The following SERPINB10 variants were observed in gnomAD, a reference collection of about 807,000 sequenced individuals.
SERPINB10 encodes the protein serpin B10.
A neutral mutation model predicts 39.1 loss-of-function variants in SERPINB10; 35 were observed. That is an observed-to-expected ratio of 0.90 (90% CI 0.68 to 1.19). The LOEUF (loss-of-function observed/expected upper bound fraction) is 1.19. Ranked by LOEUF, SERPINB10 falls within the 50% of genes most tolerant of loss-of-function variation. The pLI is 0.00. For synonymous variants in SERPINB10, 190 were observed against 158.1 expected, an observed-to-expected ratio of 1.20 and a Z score of -1.52; for missense variants, 546 against 460.5, an observed-to-expected ratio of 1.19 and a Z score of -1.70.
chr18:63,918,309 A>G (rs2050119883), intron 4 of SERPINB10, among the ~76,000 whole-genome samples: 1 of 152,010 alleles, frequency 6.6e-6, no homozygotes, highest in African/African-American at 2.4e-5. Flanking sequence ...GGAATCAGAT[A>G]TTTCTGTCTA....
At position 63,935,502 on chromosome 18, in the gene SERPINB10, A is replaced by T; in HGVS notation, c.*260A>T. On this transcript the variant is annotated 3_prime_UTR_variant, in exon 8 of 8. Transcript: ENST00000238508. ...ATTTACATTTCAGAAGTACTATGCT[A>T]TTCAACTGAATGCCTTACAATTCTT... is the stretch of plus-strand genomic sequence containing the variant. 2.8e-6 allele frequency: 1 copy of T among 362,706 alleles called. No homozygotes were observed. Among genetic ancestry groups the T allele is most frequent in the South Asian group, 8.1e-5 (1 of 12,422 alleles). 22.5% of individuals were successfully genotyped at this position (362,706 alleles called of 1,614,324 possible). A position where few individuals can be genotyped will look rare whatever the true frequency, so the allele number is the denominator to read the frequency against.
intron 1 of SERPINB10, among the ~76,000 whole-genome samples, chr18:63,911,139 T>C (rs926373529): frequency 6.6e-6 from 1 of 152,020 alleles, no homozygotes; most frequent in Admixed American, 6.6e-5. Flanking sequence ...AATGGGGTTG[T>C]TTTTTGCTTG....
At chr18:63,932,434 C>G (rs998286291) in intron 6 of SERPINB10, among the ~76,000 whole-genome samples, 58 of 152,066 alleles carry the variant, frequency 3.8e-4, no homozygotes, top group African/African-American at 1.4e-3. Context: ...CATATTTTAG[C>G]CATTCTAGTA....
intron 3 of SERPINB10, 31 bp downstream of exon 3, chr18:63,917,552 A>G (rs2050113249): frequency 1.6e-6 from 2 of 1,268,592 alleles, no homozygotes; most frequent in African/African-American, 1.6e-5. Flanking sequence ...TATATTTCAT[A>G]ATTAAGGAAA....
chr18:63,911,579 A>T (rs1379214572), intron 1 of SERPINB10, among the ~76,000 whole-genome samples: 4 of 151,912 alleles, frequency 2.6e-5, no homozygotes, highest in Non-Finnish European at 5.9e-5. Flanking sequence ...TAAAGGTTAG[A>T]TGTCTGTAGG....
At chr18:63,921,320 A>G (rs903746208) in intron 5 of SERPINB10, among the ~76,000 whole-genome samples, 6 of 151,908 alleles carry the variant, frequency 3.9e-5, no homozygotes, top group Admixed American at 3.9e-4. Flanking sequence ...CAAGGGTCCC[A>G]TGCATTTCAA....
chr18:63,916,418 A>G (rs2144722726), intron 2 of SERPINB10, among the ~76,000 whole-genome samples: 1 of 151,828 alleles, frequency 6.6e-6, no homozygotes, highest in East Asian at 1.9e-4. Flanking sequence ...AAATGACAGA[A>G]TTTTCACCCA....
intron 5 of SERPINB10, among the ~76,000 whole-genome samples, chr18:63,928,852 T>G (rs2050198909): frequency 6.7e-6 from 1 of 149,860 alleles, no homozygotes; most frequent in East Asian, 2.0e-4. Context: ...TGTCTGTTGT[T>G]GGTGTATAAG....
intron 2 of SERPINB10, among the ~76,000 whole-genome samples, chr18:63,916,979 T>G (rs1184725571): frequency 6.6e-6 from 1 of 151,922 alleles, no homozygotes; most frequent in Non-Finnish European, 1.5e-5. Context: ...AATGCTGGGG[T>G]AAACACAAAC....
intron 5 of SERPINB10, among the ~76,000 whole-genome samples, chr18:63,921,257 T>C (rs1369946093): frequency 6.6e-6 from 1 of 151,966 alleles, no homozygotes; most frequent in African/African-American, 2.4e-5. Context: ...TGTTTTGCTG[T>C]CTTCTCCTCT....
At chr18:63,916,127 G>T (rs761285217) in intron 2 of SERPINB10, among the ~76,000 whole-genome samples, 5 of 151,518 alleles carry the variant, frequency 3.3e-5, no homozygotes, top group African/African-American at 4.8e-5. Flanking sequence ...TTAGTCCCTG[G>T]TTATCTGAAT....
Position 63,930,091 on chromosome 18 carries a change from C to A in SERPINB10, c.537C>A (p.Thr179=), listed in dbSNP as rs754172901. The stretch of plus-strand genomic sequence containing the variant: ...CTGATGACTCTGTGGATTCCACAAC[C>A]AGGATGATTCTGGTGAACGCCCTAT... ...LLPDDSVDST[T]RMILVNALYF... The change falls in exon 6 of 8, where the codon ACC becomes ACA. Residue 179 remains threonine (T), a synonymous_variant. Transcript: ENST00000238508. 6.2e-7 allele frequency: 1 copy of A among 1,613,492 alleles called. No individual in the cohort carries two copies. Among genetic ancestry groups the A allele is most frequent in the Admixed American group, 1.7e-5 (1 of 59,892 alleles).
At chr18:63,929,955 T>C (rs1265504988) in intron 5 of SERPINB10, 90 bp from the exon 6 acceptor site, 9 of 1,363,320 alleles carry the variant, frequency 6.6e-6, no homozygotes, top group Non-Finnish European at 9.0e-6. Context: ...AAAACTTTTA[T>C]AGTTCCAGAA....
chr18:63,920,793 C>T (rs1363737936), intron 5 of SERPINB10, among the ~76,000 whole-genome samples: 1 of 151,918 alleles, frequency 6.6e-6, no homozygotes, highest in Non-Finnish European at 1.5e-5. Flanking sequence ...CAGTCAATTC[C>T]AGTCACCATA....
chr18:63,927,642 T>A (rs903754785), intron 5 of SERPINB10, among the ~76,000 whole-genome samples: 1 of 152,092 alleles, frequency 6.6e-6, no homozygotes, highest in Non-Finnish European at 1.5e-5. Context: ...AGGCCCCACC[T>A]GTTAATTCTA....
At chr18:63,912,713 C>T (rs150020801) in intron 1 of SERPINB10, among the ~76,000 whole-genome samples, 4 of 152,146 alleles carry the variant, frequency 2.6e-5, no homozygotes, top group East Asian at 1.9e-4. Context: ...CATCTATGCT[C>T]ATCAGAGATA....
chr18:63,927,635 C>T (rs1044748866), intron 5 of SERPINB10, among the ~76,000 whole-genome samples: 1 of 152,060 alleles, frequency 6.6e-6, no homozygotes, highest in African/African-American at 2.4e-5. Context: ...TTCCCAAAGG[C>T]CCCACCTGTT....
chr18:63,931,005 G>C (rs2050218161), intron 6 of SERPINB10, among the ~76,000 whole-genome samples: 1 of 152,188 alleles, frequency 6.6e-6, no homozygotes, highest in African/African-American at 2.4e-5. Flanking sequence ...TGAGGATGGG[G>C]AAGAAACTGA....
rs769697883 is a variant in SERPINB10, at chr18:63,930,040, T to C, written c.491-5T>C. On this transcript the variant is annotated splice_region_variant and splice_polypyrimidine_tract_variant and intron_variant, in intron 5 of 7. Transcript: ENST00000238508. ...TCATTTGCAACCTGCCTTTTGTTCT[T>C]ACAGGTAAAATCCAGAATCTCCTGC... is the stretch of plus-strand genomic sequence containing the variant. 1 of 1,612,926 alleles carries C rather than the reference T, an allele frequency of 6.2e-7. No homozygotes were observed. The highest frequency in any genetic ancestry group is 2.2e-5 in the East Asian group (1 of 44,858).
Sources: allele counts gnomAD v4.1 joint callset (sites outside exome capture counted in the v4.1 genomes callset), GRCh38; gene constraint gnomAD v4.1.1; transcripts MANE v1.5; gene names NCBI Gene and HGNC (gene_info 2026-07-23, HGNC 2026-07-21).